The following ZPBP variants were observed in gnomAD, a reference collection of about 807,000 sequenced individuals.
The protein encoded by ZPBP is zona pellucida binding protein.
A neutral mutation model predicts 44.8 loss-of-function variants in ZPBP; 26 were observed. The observed-to-expected ratio is 0.58, with a 90% confidence interval of 0.43 to 0.81. The LOEUF (loss-of-function observed/expected upper bound fraction) is 0.81, where lower values mean the gene tolerates loss of function less well. Ranked by LOEUF, ZPBP falls within the 30% of genes least tolerant of loss-of-function variation. The pLI is 0.00. For synonymous variants in ZPBP, 174 were observed against 153.2 expected (o/e 1.14, Z -1.00); for missense variants, 409 against 434.0 (o/e 0.94, Z 0.51).
At position 50,013,914 on chromosome 7, in the gene ZPBP, TTTC is replaced by T. The variant is rs569920998; in HGVS notation, c.783+4323_783+4325del. 2.4e-3 allele frequency among the ~76,000 whole-genome samples: 364 copies of T among 152,214 alleles called. 1 individual carries two copies. Among genetic ancestry groups the T allele is most frequent in the Non-Finnish European group, 3.9e-3 (268 of 67,980 alleles). ...TGCTATATATGGCAGTGGCATTGTT[TTTC>T]TTCTTCAACTTCTAGAAAAATATTA... On this transcript the variant is annotated intron_variant, in intron 6 of 7. Coordinates refer to ENST00000046087, the MANE Select transcript of ZPBP (RefSeq NM_007009.3).
intron 5 of ZPBP, among the ~76,000 whole-genome samples, chr7:50,030,410 T>G (rs981685577): frequency 1.3e-5 from 2 of 151,594 alleles, no homozygotes; most frequent in Non-Finnish European, 1.5e-5. Flanking sequence ...CTTCTAAAAC[T>G]TCAATCCTAG....
chr7:49,884,643 C>G (rs536717898), intron 2 of ZPBP, among the ~76,000 whole-genome samples: 2 of 152,158 alleles, frequency 1.3e-5, no homozygotes, highest in African/African-American at 4.8e-5. Flanking sequence ...TTATATAGGA[C>G]AGTTGAGCTG....
At chr7:49,899,486 C>T (rs1163970651) in intron 2 of ZPBP, among the ~76,000 whole-genome samples, 1 of 151,946 alleles carries the variant, frequency 6.6e-6, no homozygotes, top group African/African-American at 2.4e-5. Context: ...GATAAAGTTA[C>T]ACCATGTTAA....
chr7:50,013,636 C>T (rs1412895671), intron 6 of ZPBP, among the ~76,000 whole-genome samples: 3 of 151,826 alleles, frequency 2.0e-5, no homozygotes, highest in Non-Finnish European at 2.9e-5. Flanking sequence ...CCAATATAAA[C>T]TTTACCCAAT....
intron 6 of ZPBP, among the ~76,000 whole-genome samples, chr7:50,004,254 A>G (rs1200934137): frequency 1.3e-5 from 2 of 151,720 alleles, no homozygotes; most frequent in African/African-American, 4.8e-5. Context: ...TTTTCTTCCC[A>G]TGCCAGATGC....
At chr7:50,033,772 A>T (rs925178694) in intron 4 of ZPBP, among the ~76,000 whole-genome samples, 2 of 151,962 alleles carry the variant, frequency 1.3e-5, no homozygotes, top group Non-Finnish European at 2.9e-5. Context: ...TGCTCACTGC[A>T]GCCTCTGCCT....
At chr7:49,962,714 G>A (rs1583923835) in intron 7 of ZPBP, among the ~76,000 whole-genome samples, 1 of 151,856 alleles carries the variant, frequency 6.6e-6, no homozygotes, top group South Asian at 2.1e-4. Flanking sequence ...ATATGATTAG[G>A]TATATAAAGA....
intron 1 of ZPBP, among the ~76,000 whole-genome samples, chr7:49,925,893 T>C (rs1460247711): frequency 6.6e-6 from 1 of 152,254 alleles, no homozygotes; most frequent in African/African-American, 2.4e-5. Context: ...CCTTGGGGTT[T>C]TTCCTCATGT....
rs1257753747 is a variant in ZPBP, at chr7:50,019,692, A to AC, written c.707-1377dup. On this transcript the variant is annotated intron_variant, in intron 5 of 7. Coordinates refer to ENST00000046087, the MANE Select transcript of ZPBP (RefSeq NM_007009.3). ...TGTTGTTTAAACATATTTCTTTCAT[A>AC]CCTTCCCAAACCCATACATGGTGTG... Among the ~76,000 whole-genome samples the AC allele has an allele frequency of 2.0e-5, 3 of 152,068 alleles. No individual in the cohort carries two copies. In the East Asian group the frequency reaches 5.8e-4, roughly 29 times the overall value.
At chr7:49,901,863 T>G (rs765537319) in intron 1 of ZPBP, among the ~76,000 whole-genome samples, 2 of 151,890 alleles carry the variant, frequency 1.3e-5, no homozygotes, top group East Asian at 3.8e-4. Context: ...TAGACTCAGA[T>G]AAATATGAAC....
chr7:49,880,488 T>C (rs534561725), intron 2 of ZPBP, among the ~76,000 whole-genome samples: 16 of 152,042 alleles, frequency 1.1e-4, no homozygotes, highest in African/African-American at 3.4e-4. Flanking sequence ...TGGATTCAAA[T>C]TCAGCTTCTT....
intron 7 of ZPBP, among the ~76,000 whole-genome samples, chr7:49,938,976 G>A (rs2128752422): frequency 6.6e-6 from 1 of 152,234 alleles, no homozygotes; most frequent in East Asian, 1.9e-4. Context: ...GAGTTCCTCA[G>A]TTTTAATAGA....
chr7:49,867,714 C>T (rs1017446297), intron 2 of ZPBP, among the ~76,000 whole-genome samples: 1 of 152,212 alleles, frequency 6.6e-6, no homozygotes, highest in Non-Finnish European at 1.5e-5. Context: ...CAGTCAGCCA[C>T]GATCCCATTA....
At chr7:50,054,262 CA>C (rs5884137) in intron 4 of ZPBP, among the ~76,000 whole-genome samples, 40,886 of 148,324 alleles carry the variant, frequency 0.28, 6,107 homozygotes, top group Non-Finnish European at 0.36. Flanking sequence ...GCTCTCATTA[CA>C]AAAAAAAAAT....
intron 6 of ZPBP, among the ~76,000 whole-genome samples, chr7:50,003,553 G>C (rs1268825402): frequency 6.6e-6 from 1 of 152,160 alleles, no homozygotes; most frequent in Non-Finnish European, 1.5e-5. Flanking sequence ...AACTACTTGA[G>C]AGACTAATTT....
chr7:49,893,249 T>C (rs1792220984), intron 2 of ZPBP, among the ~76,000 whole-genome samples: 1 of 152,074 alleles, frequency 6.6e-6, no homozygotes, highest in Non-Finnish European at 1.5e-5. Context: ...ATGCACTAGG[T>C]TCCACGAATC....
chr7:49,844,913 C>A, the ZPBP span, among the ~76,000 whole-genome samples: 531 of 152,226 alleles, frequency 3.5e-3, 1 homozygote, highest in African/African-American at 0.012. Flanking sequence ...GAACTCCTGA[C>A]CCCAGGTGAT....
chr7:49,978,751 A>G (rs1016554364), intron 7 of ZPBP, among the ~76,000 whole-genome samples: 2 of 152,016 alleles, frequency 1.3e-5, no homozygotes, highest in East Asian at 3.9e-4. Flanking sequence ...AACTAGTGTT[A>G]TCCTAATTTA....
chr7:49,982,647 T>C (rs999848427), intron 7 of ZPBP, among the ~76,000 whole-genome samples: 1 of 151,594 alleles, frequency 6.6e-6, no homozygotes, highest in African/African-American at 2.4e-5. Context: ...TTATAAACTA[T>C]CAAGGCTCAA....
Sources: gnomAD v4.1 joint callset for allele counts (sites outside exome capture counted in the v4.1 genomes callset) on GRCh38, gnomAD v4.1.1 for gene constraint, MANE v1.5 for transcripts, NCBI Gene and HGNC (gene_info 2026-07-23, HGNC 2026-07-21) for gene names.